Variants in MAST4 observed in about 807,000 individuals in gnomAD.
MAST4 encodes the protein microtubule-associated serine/threonine-protein kinase 4.
In MAST4, 89 loss-of-function variants were observed where a neutral mutation model predicts 162.7. That is an observed-to-expected ratio of 0.55 (90% CI 0.46 to 0.65). The LOEUF is 0.65. Ranked by LOEUF, MAST4 falls within the 30% of genes least tolerant of loss-of-function variation. The probability of loss-of-function intolerance (pLI) is 0.00; values close to 1 mark genes in which losing one functional copy is unlikely to be tolerated. For synonymous variants in MAST4, 1,479 were observed against 1,361.1 expected, an observed-to-expected ratio of 1.09 and a Z score of -1.91; for missense variants, 3,153 against 3,374.0, an observed-to-expected ratio of 0.93 and a Z score of 1.62.
At position 67,118,733 on chromosome 5, in the gene MAST4, C is replaced by T. The variant is rs1236333691; in HGVS notation, c.1643C>T (p.Thr548Ile). Residue 548 changes from threonine to isoleucine, a missense_variant, in exon 13 of 29, where the codon ACA (threonine) becomes ATA (isoleucine). Physicochemically the swap from Thr to Ile is moderately conservative, Grantham distance 89 (BLOSUM62 -1). Transcript: ENST00000403625. ...YDSGTAETPE[T>I]DESVSSSNAS... ...AGTGGGACAGCAGAAACACCAGAAACAGATGAATCAGTGAGTGTAAGTATA... is the reference window on the plus strand; with the variant it reads ...AGTGGGACAGCAGAAACACCAGAAATAGATGAATCAGTGAGTGTAAGTATA... 1 of 1,566,224 alleles carries T rather than the reference C, an allele frequency of 6.4e-7. No homozygotes were observed. Among genetic ancestry groups the T allele is most frequent in the East Asian group, 2.3e-5 (1 of 43,752 alleles).
chr5:66,892,972 C>G (rs896239759), intron 3 of MAST4, among the ~76,000 whole-genome samples: 1 of 152,154 alleles, frequency 6.6e-6, no homozygotes, highest in East Asian at 1.9e-4. Context: ...TATCATGACT[C>G]GGAGACTTTG....
chr5:67,000,216 T>C (rs969589570), intron 4 of MAST4, among the ~76,000 whole-genome samples: 1 of 152,152 alleles, frequency 6.6e-6, no homozygotes, highest in East Asian at 1.9e-4. Context: ...TCAAAGTTAG[T>C]TTAGGGCAAA....
chr5:66,723,318 G>T (rs575673634), intron 1 of MAST4, among the ~76,000 whole-genome samples: 5 of 152,072 alleles, frequency 3.3e-5, no homozygotes, highest in Non-Finnish European at 5.9e-5. Context: ...AACACAGTGG[G>T]ATCTATTTTA....
intron 3 of MAST4, among the ~76,000 whole-genome samples, chr5:66,830,702 A>G (rs1234111204): frequency 1.3e-5 from 2 of 152,218 alleles, no homozygotes; most frequent in Non-Finnish European, 2.9e-5. Flanking sequence ...ATTTAAAGAA[A>G]GACATTACAT....
chr5:67,010,682 T>G (rs1166111149), intron 4 of MAST4, among the ~76,000 whole-genome samples: 1 of 151,858 alleles, frequency 6.6e-6, no homozygotes, highest in Non-Finnish European at 1.5e-5. Context: ...TCGGAAAAAG[T>G]CCCCTATAAA....
intron 4 of MAST4, among the ~76,000 whole-genome samples, chr5:66,936,368 C>T (rs1279982902): frequency 6.6e-6 from 1 of 152,176 alleles, no homozygotes; most frequent in Non-Finnish European, 1.5e-5. Flanking sequence ...TTTTCATGTA[C>T]GTCCCTGTGA....
At chr5:66,857,209 A>G (rs914328560) in intron 3 of MAST4, among the ~76,000 whole-genome samples, 3 of 152,148 alleles carry the variant, frequency 2.0e-5, no homozygotes, top group African/African-American at 7.2e-5. Flanking sequence ...AGATATCTAC[A>G]TTGATTCATA....
At chr5:66,791,090 C>T (rs908047351) in intron 3 of MAST4, among the ~76,000 whole-genome samples, 11 of 152,216 alleles carry the variant, frequency 7.2e-5, no homozygotes, top group Admixed American at 7.2e-4. Context: ...GTAGCACAGT[C>T]TTGGCTCACT....
chr5:67,104,013 G>A (rs1034543190), intron 9 of MAST4, among the ~76,000 whole-genome samples: 5 of 152,152 alleles, frequency 3.3e-5, no homozygotes, highest in Admixed American at 3.3e-4. Flanking sequence ...ACATGCTGAG[G>A]CTGCTGCTTT....
chr5:66,620,165 G>A (rs1430626461), intron 1 of MAST4, among the ~76,000 whole-genome samples: 1 of 151,162 alleles, frequency 6.6e-6, no homozygotes. Context: ...CATATCCCAT[G>A]ATGCTGAAGA....
intron 3 of MAST4, among the ~76,000 whole-genome samples, chr5:66,815,264 T>C (rs1423437334): frequency 6.6e-6 from 1 of 152,202 alleles, no homozygotes; most frequent in Non-Finnish European, 1.5e-5. Context: ...AATCCAAGTA[T>C]CCCTTCTGAA....
rs764402317 is a variant in MAST4, at chr5:67,164,495, T to C, written c.5316T>C (p.Pro1772=). The change falls in exon 29 of 29, where the codon CCT becomes CCC. Residue 1772 remains proline, a synonymous_variant. Coordinates refer to ENST00000403625, the MANE Select transcript of MAST4 (RefSeq NM_001164664.2). This position sits in a 1 kb window ranked among gnomAD's most constrained non-coding sequence, Gnocchi z 5.3. ...GGGTGGACAGTGGAACGGAGAAGCCTGGCTTGGTTGCTCCTGAGTCCCCTG... is the reference window on the plus strand; with the variant it reads ...GGGTGGACAGTGGAACGGAGAAGCCCGGCTTGGTTGCTCCTGAGTCCCCTG... ...TGRVDSGTEK[P]GLVAPESPVR... 1.3e-5 allele frequency: 21 copies of C among 1,613,994 alleles called. No homozygotes were observed. In the South Asian group the frequency reaches 2.1e-4, roughly 16 times the overall value.
chr5:66,995,838 T>C (rs1177333709), intron 4 of MAST4, among the ~76,000 whole-genome samples: 1 of 151,608 alleles, frequency 6.6e-6, no homozygotes, highest in Non-Finnish European at 1.5e-5. Flanking sequence ...ATTTCACCAC[T>C]ATACTCCAGC....
chr5:67,141,764 T>G (rs1310979601), intron 19 of MAST4, among the ~76,000 whole-genome samples: 8 of 152,234 alleles, frequency 5.3e-5, no homozygotes, highest in Non-Finnish European at 1.0e-4. Context: ...TCTCTGGGTT[T>G]TTAATGAGTG....
At chr5:66,905,454 A>G (rs1356691112) in intron 4 of MAST4, among the ~76,000 whole-genome samples, 1 of 152,200 alleles carries the variant, frequency 6.6e-6, no homozygotes, top group Non-Finnish European at 1.5e-5. Flanking sequence ...GAGGCAATTT[A>G]AAAGGTTTTG....
intron 1 of MAST4, among the ~76,000 whole-genome samples, chr5:66,738,561 A>G (rs1752284105): frequency 6.6e-6 from 1 of 152,218 alleles, no homozygotes; most frequent in Admixed American, 6.5e-5. Context: ...GAGGGAGACA[A>G]TAAGCCAGCA....
At chr5:66,761,180 C>G (rs1048978114) in intron 2 of MAST4, among the ~76,000 whole-genome samples, 1 of 152,114 alleles carries the variant, frequency 6.6e-6, no homozygotes, top group Non-Finnish European at 1.5e-5. Flanking sequence ...TCTAGAACAC[C>G]TTTTCAAGTG....
At chr5:67,085,677 C>T (rs1763157867) in intron 5 of MAST4, among the ~76,000 whole-genome samples, 1 of 152,132 alleles carries the variant, frequency 6.6e-6, no homozygotes, top group Admixed American at 6.5e-5. Context: ...GACAACTTAC[C>T]CAGAGAATTC....
intron 3 of MAST4, among the ~76,000 whole-genome samples, chr5:66,863,857 C>A (rs36159): frequency 0.55 from 83,343 of 152,020 alleles, 23,929 homozygotes; most frequent in Non-Finnish European, 0.64. Flanking sequence ...CTGGAAGCAG[C>A]TTCCTCCCTT....
Sources: gnomAD v4.1 joint callset for allele counts (sites outside exome capture counted in the v4.1 genomes callset) on GRCh38, gnomAD v4.1.1 for gene constraint, Gnocchi (gnomAD v3.1) non-coding constraint, MANE v1.5 for transcripts, NCBI Gene and HGNC (gene_info 2026-07-23, HGNC 2026-07-21) for gene names.